The following ST6GALNAC3 variants were observed in gnomAD, a reference collection of about 807,000 sequenced individuals.
ST6GALNAC3 encodes ST6 N-acetylgalactosaminide alpha-2,6-sialyltransferase 3.
Under a neutral mutation model 32.7 loss-of-function variants are expected in ST6GALNAC3, and 25 were observed. That is an observed-to-expected ratio of 0.76 (90% CI 0.56 to 1.07). ST6GALNAC3 has a LOEUF of 1.07. Among genes scored for constraint, ST6GALNAC3 ranks in the 50% least tolerant of loss-of-function variants. ST6GALNAC3 has a pLI of 0.00. For synonymous variants in ST6GALNAC3, 129 were observed against 133.1 expected, an observed-to-expected ratio of 0.97 and a Z score of 0.21; for missense variants, 355 against 382.4, an observed-to-expected ratio of 0.93 and a Z score of 0.60.
chr1:76,453,066 T>C (rs1657523547), intron 3 of ST6GALNAC3, among the ~76,000 whole-genome samples: 1 of 152,218 alleles, frequency 6.6e-6, no homozygotes, highest in African/African-American at 2.4e-5. Flanking sequence ...TTTATGCGCA[T>C]AGAAATGTTC....
intron 2 of ST6GALNAC3, among the ~76,000 whole-genome samples, chr1:76,387,779 T>C (rs1652211374): frequency 6.6e-6 from 1 of 152,202 alleles, no homozygotes; most frequent in African/African-American, 2.4e-5. Flanking sequence ...TTTTTTGATC[T>C]GAGATACAGC....
chr1:76,425,039 G>T (rs1655274864), intron 3 of ST6GALNAC3, among the ~76,000 whole-genome samples: 1 of 151,936 alleles, frequency 6.6e-6, no homozygotes, highest in South Asian at 2.1e-4. Context: ...TTATGATTTT[G>T]CAGATCACCC....
chr1:76,541,175 A>G (rs1663964712), intron 3 of ST6GALNAC3, among the ~76,000 whole-genome samples: 2 of 152,198 alleles, frequency 1.3e-5, no homozygotes, highest in African/African-American at 2.4e-5. Context: ...GCAGAAGATG[A>G]GTCTCTAGAA....
chr1:76,226,563 C>G (rs1352268967), intron 1 of ST6GALNAC3, among the ~76,000 whole-genome samples: 2 of 152,122 alleles, frequency 1.3e-5, no homozygotes, highest in African/African-American at 4.8e-5. Context: ...TTAATTGGCT[C>G]ACTATTCTGC....
At chr1:76,588,149 A>G (rs548763127) in intron 3 of ST6GALNAC3, among the ~76,000 whole-genome samples, 12 of 152,304 alleles carry the variant, frequency 7.9e-5, no homozygotes, top group African/African-American at 2.6e-4. Context: ...ATCCTAAAAG[A>G]GAATGATAGA....
At chr1:76,186,423 A>G (rs1184490145) in intron 1 of ST6GALNAC3, among the ~76,000 whole-genome samples, 3 of 152,190 alleles carry the variant, frequency 2.0e-5, no homozygotes, top group Admixed American at 1.3e-4. Context: ...GCAATATTCT[A>G]GGGCTTTTCC....
intron 3 of ST6GALNAC3, among the ~76,000 whole-genome samples, chr1:76,495,086 G>A (rs2101706886): frequency 6.6e-6 from 1 of 152,200 alleles, no homozygotes; most frequent in African/African-American, 2.4e-5. Context: ...AGGGCAATCT[G>A]CTTTACTCAG....
intron 1 of ST6GALNAC3, among the ~76,000 whole-genome samples, chr1:76,283,433 T>C (rs1302467461): frequency 6.6e-6 from 1 of 152,148 alleles, no homozygotes. Context: ...TCACTGAAAG[T>C]GTTATGTGTA....
chr1:76,176,699 T>C (rs1197521043), intron 1 of ST6GALNAC3, among the ~76,000 whole-genome samples: 2 of 152,212 alleles, frequency 1.3e-5, no homozygotes, highest in African/African-American at 4.8e-5. Context: ...ATAATCTCAA[T>C]TTTGCCCTAT....
intron 3 of ST6GALNAC3, among the ~76,000 whole-genome samples, chr1:76,551,318 T>C (rs984211437): frequency 2.6e-5 from 4 of 152,216 alleles, no homozygotes; most frequent in African/African-American, 9.6e-5. Context: ...TGGATTAATT[T>C]GATTCTCCTT....
At position 76,474,764 on chromosome 1, in the gene ST6GALNAC3, C is replaced by A. The variant is rs776798752; in HGVS notation, c.623+62347C>A. On this transcript the variant is annotated intron_variant, in intron 3 of 4. Transcript: ENST00000328299. ...GAAAGGTAGAGATGTCAAGAGAAGG[C>A]GGAAGAGAGAAAGAGAGGAGAGGGA... Among the ~76,000 whole-genome samples the A allele has an allele frequency of 3.3e-5, 5 of 151,860 alleles. No homozygotes were observed. In the East Asian group the frequency reaches 9.7e-4, roughly 29 times the overall value.
intron 1 of ST6GALNAC3, among the ~76,000 whole-genome samples, chr1:76,268,173 A>G (rs965385522): frequency 1.3e-5 from 2 of 152,222 alleles, no homozygotes; most frequent in Non-Finnish European, 2.9e-5. Flanking sequence ...CACAAAATAT[A>G]TCTTTCTCCA....
intron 2 of ST6GALNAC3, among the ~76,000 whole-genome samples, chr1:76,323,058 G>A (rs952946033): frequency 6.6e-6 from 1 of 152,076 alleles, no homozygotes; most frequent in African/African-American, 2.4e-5. Flanking sequence ...CCCTGCTGTG[G>A]TGTTTCATAA....
chr1:76,572,554 G>A (rs555412240), intron 3 of ST6GALNAC3, among the ~76,000 whole-genome samples: 10 of 152,032 alleles, frequency 6.6e-5, no homozygotes, highest in Non-Finnish European at 1.2e-4. Context: ...CAGTTTCTGG[G>A]AAGAATTTTG....
At chr1:76,301,216 A>C (rs1351222954) in intron 1 of ST6GALNAC3, among the ~76,000 whole-genome samples, 1 of 152,032 alleles carries the variant, frequency 6.6e-6, no homozygotes. Flanking sequence ...AGTGGCAGCA[A>C]CTCAGAGGAA....
chr1:76,525,814 T>TATATATATATATATAC (rs1662874643), intron 3 of ST6GALNAC3, among the ~76,000 whole-genome samples: 1 of 127,218 alleles, frequency 7.9e-6, no homozygotes, highest in African/African-American at 2.6e-5. Flanking sequence ...TATATATATA[T>TATATATATATATATAC]ATATATATAT....
intron 1 of ST6GALNAC3, among the ~76,000 whole-genome samples, chr1:76,270,699 G>T (rs1435936182): frequency 6.6e-6 from 1 of 151,974 alleles, no homozygotes; most frequent in Non-Finnish European, 1.5e-5. Context: ...TGACAGGGCC[G>T]GGAGAGGGAG....
rs563301815 is a variant in ST6GALNAC3, at chr1:76,434,822, A to T, written c.623+22405A>T. 2.9e-5 allele frequency among the ~76,000 whole-genome samples: 3 copies of T among 102,512 alleles called. 1 individual carries two copies. Among genetic ancestry groups the T allele is most frequent in the African/African-American group, 1.2e-4 (3 of 25,966 alleles). 67.3% of individuals were successfully genotyped at this position (102,512 alleles called of 152,430 possible). ...TTTTTTTTTTTTGAGACAGGGTTTC[A>T]CTCTGTCACCCAGGCTGGAATGCAG... On this transcript the variant is annotated intron_variant, in intron 3 of 4. Coordinates refer to ENST00000328299, the MANE Select transcript of ST6GALNAC3 (RefSeq NM_152996.4).
At chr1:76,585,288 A>G (rs1281858505) in intron 3 of ST6GALNAC3, among the ~76,000 whole-genome samples, 3 of 152,020 alleles carry the variant, frequency 2.0e-5, no homozygotes, top group African/African-American at 4.8e-5. Context: ...TGGGGGGCTG[A>G]GACAGGAGAA....
Sources: allele counts gnomAD v4.1 joint callset (sites outside exome capture counted in the v4.1 genomes callset), GRCh38; gene constraint gnomAD v4.1.1; transcripts MANE v1.5; gene names NCBI Gene and HGNC (gene_info 2026-07-23, HGNC 2026-07-21).